The following SHISA9 variants were observed in gnomAD, a reference collection of about 807,000 sequenced individuals.
The protein encoded by SHISA9 is protein shisa-9.
SHISA9 carries 13 observed loss-of-function variants against 38.0 expected under a neutral mutation model. The ratio of observed to expected loss-of-function variants is 0.34; its 90% CI spans 0.22 to 0.54. The LOEUF is 0.54. Among genes scored for constraint, SHISA9 ranks in the 20% least tolerant of loss-of-function variants. SHISA9 has a pLI of 0.91. For synonymous variants in SHISA9, 275 were observed against 242.0 expected (o/e 1.14, Z -1.27); for missense variants, 538 against 575.8 (o/e 0.93, Z 0.67).
At chr16:13,409,339 TG>T in the SHISA9 span, among the ~76,000 whole-genome samples, 1 of 152,200 alleles carries the variant, frequency 6.6e-6, no homozygotes, top group Non-Finnish European at 1.5e-5. Flanking sequence ...GACAAGAGCT[TG>T]GGGTACAGAA....
At position 13,113,687 on chromosome 16, in the gene SHISA9, G is replaced by T. The variant is rs766914070; in HGVS notation, c.692-89707G>T. Among the ~76,000 whole-genome samples, 154 of 152,192 alleles carry T rather than the reference G, an allele frequency of 1.0e-3. 1 individual carries two copies. The highest frequency in any genetic ancestry group is 1.3e-3 in the Non-Finnish European group (90 of 68,028). On this transcript the variant is annotated intron_variant, in intron 2 of 4. Coordinates refer to ENST00000558583, the MANE Select transcript of SHISA9 (RefSeq NM_001145204.3). The stretch of plus-strand genomic sequence containing the variant: ...CAGTTGCTGCAGGGACCCAGCCAAG[G>T]AATTGAGAGTGTCCTGAAAATTACT...
intron 2 of SHISA9, among the ~76,000 whole-genome samples, chr16:12,940,216 G>A (rs2071591402): frequency 6.6e-6 from 1 of 152,132 alleles, no homozygotes; most frequent in African/African-American, 2.4e-5. Context: ...GGGCTTGGGG[G>A]CCCATCTTGC....
At chr16:13,135,738 T>C (rs1042731485) in intron 2 of SHISA9, among the ~76,000 whole-genome samples, 5 of 152,190 alleles carry the variant, frequency 3.3e-5, no homozygotes, top group African/African-American at 1.2e-4. Context: ...ACTTGTATAG[T>C]ATACAGTAAC....
At chr16:13,285,884 G>A in the SHISA9 span, among the ~76,000 whole-genome samples, 3 of 152,002 alleles carry the variant, frequency 2.0e-5, no homozygotes, top group African/African-American at 7.2e-5. Flanking sequence ...CTCTGTCAGG[G>A]GTTGTTTTTA....
At chr16:13,314,748 G>C in the SHISA9 span, among the ~76,000 whole-genome samples, 1 of 151,938 alleles carries the variant, frequency 6.6e-6, no homozygotes, top group Non-Finnish European at 1.5e-5. Flanking sequence ...TTTGTGGTGA[G>C]AATATTCATA....
the SHISA9 span, among the ~76,000 whole-genome samples, chr16:13,251,520 G>C: frequency 1.3e-5 from 2 of 152,072 alleles, no homozygotes; most frequent in Non-Finnish European, 2.9e-5. Flanking sequence ...GGGGAGAGGG[G>C]TATTGGAGAT....
the SHISA9 span, among the ~76,000 whole-genome samples, chr16:13,412,274 G>T: frequency 1.3e-5 from 2 of 152,074 alleles, no homozygotes; most frequent in Non-Finnish European, 2.9e-5. Flanking sequence ...CCCTGTGAGG[G>T]GTCAGCACCA....
At chr16:13,375,197 T>C in the SHISA9 span, among the ~76,000 whole-genome samples, 1 of 152,228 alleles carries the variant, frequency 6.6e-6, no homozygotes, top group Non-Finnish European at 1.5e-5. Context: ...TTGTCAATTG[T>C]GGCTTCTGTT....
intron 2 of SHISA9, among the ~76,000 whole-genome samples, chr16:13,012,459 C>T (rs1284071069): frequency 1.3e-5 from 2 of 152,140 alleles, no homozygotes; most frequent in Non-Finnish European, 2.9e-5. Flanking sequence ...TGTAGGAAGA[C>T]ACCCAATGTG....
At chr16:13,322,325 C>T in the SHISA9 span, among the ~76,000 whole-genome samples, 1 of 152,220 alleles carries the variant, frequency 6.6e-6, no homozygotes, top group Admixed American at 6.5e-5. Flanking sequence ...CTGCCAAGGC[C>T]TCTGGAGCCA....
the SHISA9 span, among the ~76,000 whole-genome samples, chr16:13,494,951 C>A: frequency 6.6e-6 from 1 of 152,182 alleles, no homozygotes; most frequent in African/African-American, 2.4e-5. Flanking sequence ...CAGGACGTTG[C>A]GCCTTGCAAA....
intron 2 of SHISA9, among the ~76,000 whole-genome samples, chr16:12,939,471 A>G (rs1055854627): frequency 6.6e-6 from 1 of 152,224 alleles, no homozygotes; most frequent in Non-Finnish European, 1.5e-5. Flanking sequence ...CCTTGTGTGC[A>G]CTGGTCACAA....
intron 2 of SHISA9, among the ~76,000 whole-genome samples, chr16:13,165,128 C>T (rs2050624975): frequency 6.6e-6 from 1 of 152,020 alleles, no homozygotes. Flanking sequence ...GTAGAGTTTT[C>T]ATAATATTTT....
chr16:13,222,004 G>A (rs1465465185), intron 4 of SHISA9, among the ~76,000 whole-genome samples: 1 of 152,172 alleles, frequency 6.6e-6, no homozygotes, highest in Admixed American at 6.5e-5. Flanking sequence ...CATGGCTGGG[G>A]AGGCCTCACA....
the SHISA9 span, among the ~76,000 whole-genome samples, chr16:13,273,829 A>T: frequency 6.6e-6 from 1 of 152,138 alleles, no homozygotes; most frequent in Non-Finnish European, 1.5e-5. Flanking sequence ...GAAACTTAAG[A>T]ATCTCTAAGA....
the SHISA9 span, among the ~76,000 whole-genome samples, chr16:13,292,195 G>T: frequency 6.6e-6 from 1 of 151,912 alleles, no homozygotes; most frequent in African/African-American, 2.4e-5. Flanking sequence ...TTGTTTCTAA[G>T]AGCGTCTTTG....
intron 2 of SHISA9, among the ~76,000 whole-genome samples, chr16:13,099,907 G>T (rs2073862127): frequency 6.6e-6 from 1 of 152,188 alleles, no homozygotes; most frequent in Non-Finnish European, 1.5e-5. Flanking sequence ...AGCCTAGGAG[G>T]CTCCCTGTTG....
At chr16:13,366,059 G>A in the SHISA9 span, among the ~76,000 whole-genome samples, 3 of 152,132 alleles carry the variant, frequency 2.0e-5, no homozygotes, top group Admixed American at 6.5e-5. Context: ...TTATCATCAC[G>A]TGGTGTAATA....
At chr16:13,525,566 C>A in the SHISA9 span, among the ~76,000 whole-genome samples, 1 of 152,048 alleles carries the variant, frequency 6.6e-6, no homozygotes, top group Non-Finnish European at 1.5e-5. Context: ...TGATCACCCT[C>A]AAAACACATT....
Sources: allele counts gnomAD v4.1 joint callset (sites outside exome capture counted in the v4.1 genomes callset), GRCh38; gene constraint gnomAD v4.1.1; transcripts MANE v1.5; gene names NCBI Gene and HGNC (gene_info 2026-07-23, HGNC 2026-07-21).